MARCHF1: variants seen among roughly 807,000 people sequenced by gnomAD.
The protein encoded by MARCHF1 is membrane associated ring-CH-type finger 1.
Under a neutral mutation model 54.2 loss-of-function variants are expected in MARCHF1, and 40 were observed. The ratio of observed to expected loss-of-function variants is 0.74; its 90% CI spans 0.57 to 0.96. MARCHF1 has a LOEUF of 0.96. MARCHF1 is among the 40% of genes least tolerant of loss of function. The pLI is 0.00. For synonymous variants in MARCHF1, 236 were observed against 236.3 expected (o/e 1.00, Z 0.01); for missense variants, 586 against 656.5 (o/e 0.89, Z 1.17).
intron 3 of MARCHF1, among the ~76,000 whole-genome samples, chr4:163,883,348 T>TTG (rs1491175367): frequency 1.1e-3 from 2 of 1,754 alleles, no homozygotes; most frequent in African/African-American, 1.5e-3. Context: ...TACGGATGTA[T>TTG]TTTTTTTTTT....
At chr4:163,627,511 A>C (rs1741913263) in intron 5 of MARCHF1, among the ~76,000 whole-genome samples, 1 of 152,334 alleles carries the variant, frequency 6.6e-6, no homozygotes, top group African/African-American at 2.4e-5. Flanking sequence ...TAATTTTATC[A>C]GAAACAAAGG....
chr4:163,651,052 T>C (rs985529057), intron 5 of MARCHF1, among the ~76,000 whole-genome samples: 1 of 151,928 alleles, frequency 6.6e-6, no homozygotes, highest in African/African-American at 2.4e-5. Flanking sequence ...CTGACACTTA[T>C]CAGAGTAAGA....
intron 4 of MARCHF1, among the ~76,000 whole-genome samples, chr4:163,767,739 C>A (rs1327261018): frequency 6.6e-6 from 1 of 152,124 alleles, no homozygotes; most frequent in East Asian, 1.9e-4. Flanking sequence ...TTTATTTGTT[C>A]TGTCAAGTTA....
intron 1 of MARCHF1, among the ~76,000 whole-genome samples, chr4:164,242,817 A>G (rs1646043165): frequency 6.6e-6 from 1 of 151,964 alleles, no homozygotes; most frequent in Non-Finnish European, 1.5e-5. Flanking sequence ...AGGCTCGAGA[A>G]CTACGTGAAG....
chr4:163,917,546 C>T (rs192061877), intron 3 of MARCHF1, among the ~76,000 whole-genome samples: 5 of 152,166 alleles, frequency 3.3e-5, no homozygotes, highest in Admixed American at 6.6e-5. Context: ...TGTTTATTTG[C>T]CATCTTCTTT....
At chr4:163,632,421 T>A (rs1027705320) in intron 5 of MARCHF1, among the ~76,000 whole-genome samples, 1 of 152,136 alleles carries the variant, frequency 6.6e-6, no homozygotes, top group Non-Finnish European at 1.5e-5. Context: ...GGGCGAGGCA[T>A]TGCCTCACTC....
At chr4:164,341,606 C>T (rs765203560) in intron 1 of MARCHF1, among the ~76,000 whole-genome samples, 11 of 152,270 alleles carry the variant, frequency 7.2e-5, no homozygotes, top group Non-Finnish European at 1.3e-4. Context: ...TGAGAGTCAG[C>T]TTCCCCATAA....
At chr4:163,622,314 A>C (rs1185572077) in intron 5 of MARCHF1, among the ~76,000 whole-genome samples, 1 of 152,118 alleles carries the variant, frequency 6.6e-6, no homozygotes, top group Non-Finnish European at 1.5e-5. Context: ...AGGTCTGGGA[A>C]AAACCTGGAG....
At chr4:163,978,268 A>T (rs2110858795) in intron 3 of MARCHF1, among the ~76,000 whole-genome samples, 1 of 152,318 alleles carries the variant, frequency 6.6e-6, no homozygotes, top group Middle Eastern at 3.4e-3. Context: ...GGCACAATCT[A>T]TGGAGTCATG....
At chr4:163,947,744 T>C (rs112210056) in intron 3 of MARCHF1, among the ~76,000 whole-genome samples, 1 of 152,248 alleles carries the variant, frequency 6.6e-6, no homozygotes, top group Admixed American at 6.5e-5. Flanking sequence ...AGTAGGAAAC[T>C]AGTAGCGTAG....
intron 2 of MARCHF1, among the ~76,000 whole-genome samples, chr4:164,044,548 C>G (rs1754199952): frequency 6.6e-6 from 1 of 151,932 alleles, no homozygotes. Context: ...GGTGTGTACA[C>G]AAATCCAAAC....
intron 2 of MARCHF1, among the ~76,000 whole-genome samples, chr4:164,015,814 C>T (rs973540227): frequency 2.6e-5 from 4 of 151,154 alleles, no homozygotes; most frequent in Admixed American, 6.6e-5. Flanking sequence ...ATAACAAATG[C>T]GGAGAAAGAG....
At chr4:164,110,028 G>A (rs1382225092) in intron 2 of MARCHF1, among the ~76,000 whole-genome samples, 1 of 149,600 alleles carries the variant, frequency 6.7e-6, no homozygotes, top group Admixed American at 6.7e-5. Flanking sequence ...CTGATATATG[G>A]AAACATTCAA....
At chr4:163,601,549 C>T (rs1740965986) in intron 7 of MARCHF1, among the ~76,000 whole-genome samples, 1 of 151,946 alleles carries the variant, frequency 6.6e-6, no homozygotes, top group African/African-American at 2.4e-5. Flanking sequence ...AATTCATAAT[C>T]CTTCCTCTTC....
intron 1 of MARCHF1, among the ~76,000 whole-genome samples, chr4:164,137,926 AAAGT>A (rs1442644634): frequency 2.6e-5 from 4 of 152,206 alleles, no homozygotes; most frequent in African/African-American, 9.6e-5. Context: ...AAATGAGCAC[AAAGT>A]AAGGGGCATG....
chr4:163,878,157 G>C (rs1384062738), intron 3 of MARCHF1, among the ~76,000 whole-genome samples: 1 of 152,094 alleles, frequency 6.6e-6, no homozygotes, highest in Admixed American at 6.6e-5. Flanking sequence ...GGGCCTTGTA[G>C]TTACACACAC....
At chr4:163,796,998 A>C (rs1579293982) in intron 4 of MARCHF1, among the ~76,000 whole-genome samples, 1 of 152,066 alleles carries the variant, frequency 6.6e-6, no homozygotes, top group African/African-American at 2.4e-5. Context: ...TTATATCTCA[A>C]ACCTTCTACT....
chr4:163,733,199 A>ATATATATATATATATACACGTG (rs1745908577), intron 4 of MARCHF1, among the ~76,000 whole-genome samples: 1 of 39,882 alleles, frequency 2.5e-5, no homozygotes, highest in East Asian at 6.0e-4. Context: ...ATATATATAT[A>ATATATATATATATATACACGTG]TATATATATA....
At chr4:163,959,495 C>T (rs1752302430) in intron 3 of MARCHF1, among the ~76,000 whole-genome samples, 1 of 151,760 alleles carries the variant, frequency 6.6e-6, no homozygotes, top group Non-Finnish European at 1.5e-5. Flanking sequence ...CAATAGAGAG[C>T]CCAGGAATAA....
Sources: allele counts gnomAD v4.1 joint callset (sites outside exome capture counted in the v4.1 genomes callset), GRCh38; gene constraint gnomAD v4.1.1; transcripts MANE v1.5; gene names NCBI Gene and HGNC (gene_info 2026-07-23, HGNC 2026-07-21).